Variants in CNTN6 observed in about 807,000 individuals in gnomAD.
CNTN6 encodes contactin 6.
A neutral mutation model predicts 122.8 loss-of-function variants in CNTN6; 137 were observed. The observed-to-expected ratio is 1.12, with a 90% confidence interval of 0.97 to 1.29. The LOEUF is 1.29. CNTN6 is among the 50% of genes most tolerant of loss of function. The pLI is 0.00. For missense variants in CNTN6, 1,634 were observed against 1,223.4 expected (o/e 1.34, Z -5.01); for synonymous variants, 570 against 426.0 (o/e 1.34, Z -4.16).
At chr3:1,374,195 G>A (rs957242276) in intron 16 of CNTN6, 122 bp downstream of exon 16, 2 of 928,946 alleles carry the variant, frequency 2.2e-6, no homozygotes, top group South Asian at 2.4e-5. Flanking sequence ...CAGTAAACGA[G>A]TGGCTCTCAT....
chr3:1,196,224 CTTTAG>C (rs2093776325), intron 2 of CNTN6, among the ~76,000 whole-genome samples: 1 of 152,184 alleles, frequency 6.6e-6, no homozygotes, highest in Non-Finnish European at 1.5e-5. Context: ...TTCTTTCCTT[CTTTAG>C]TGTAGTAATC....
At chr3:1,134,129 G>A (rs1405418667) in intron 1 of CNTN6, among the ~76,000 whole-genome samples, 1 of 152,064 alleles carries the variant, frequency 6.6e-6, no homozygotes, top group East Asian at 1.9e-4. Context: ...GGCCCCGATC[G>A]ACCATATAAC....
At position 1,397,111 on chromosome 3, in the gene CNTN6, C is replaced by T. The variant is rs557884788; in HGVS notation, c.2705-4322C>T. Among the ~76,000 whole-genome samples the T allele has an allele frequency of 1.8e-4, 28 of 152,252 alleles. 1 individual carries two copies. In the East Asian group the frequency reaches 5.2e-3, roughly 28 times the overall value. ...TCATCTACTCAAGAGATAGTGCCTC[C>T]CATGAGCCATGCCTAGAGTTAGATG... On this transcript the variant is annotated intron_variant, in intron 20 of 22. Transcript: ENST00000446702.
At chr3:1,099,351 T>C (rs1281512597) in intron 1 of CNTN6, among the ~76,000 whole-genome samples, 1 of 151,846 alleles carries the variant, frequency 6.6e-6, no homozygotes, top group Non-Finnish European at 1.5e-5. Flanking sequence ...CTGGGGAGGC[T>C]GAGGCGGGAG....
chr3:1,112,241 C>T (rs188771620), intron 1 of CNTN6, among the ~76,000 whole-genome samples: 1 of 152,262 alleles, frequency 6.6e-6, no homozygotes, highest in Non-Finnish European at 1.5e-5. Flanking sequence ...TAGTCAGGGT[C>T]CTCCAGAGAG....
chr3:1,287,636 G>T (rs1200428859), intron 5 of CNTN6, among the ~76,000 whole-genome samples: 5 of 152,138 alleles, frequency 3.3e-5, no homozygotes, highest in African/African-American at 4.8e-5. Context: ...GACAAAATAA[G>T]ATGTGGTAAA....
intron 1 of CNTN6, among the ~76,000 whole-genome samples, chr3:1,124,043 G>T (rs1302508217): frequency 2.0e-5 from 3 of 151,832 alleles, no homozygotes; most frequent in Non-Finnish European, 4.4e-5. Context: ...AATCCCGATT[G>T]GCCATAATGT....
chr3:1,285,025 G>T (rs1430336621), intron 5 of CNTN6, among the ~76,000 whole-genome samples: 1 of 152,178 alleles, frequency 6.6e-6, no homozygotes, highest in Non-Finnish European at 1.5e-5. Flanking sequence ...AGAGTGACAT[G>T]CTTTCTCTGA....
chr3:1,134,133 A>T (rs1030227024), intron 1 of CNTN6, among the ~76,000 whole-genome samples: 6 of 152,180 alleles, frequency 3.9e-5, no homozygotes, highest in African/African-American at 1.4e-4. Context: ...CCGATCGACC[A>T]TATAACGTCT....
intron 1 of CNTN6, among the ~76,000 whole-genome samples, chr3:1,138,676 C>T (rs924452409): frequency 1.1e-4 from 16 of 151,856 alleles, no homozygotes; most frequent in African/African-American, 3.9e-4. Context: ...TTCCCAAAAA[C>T]AAAATTTTAG....
At chr3:1,218,455 G>T (rs1027532939) in intron 2 of CNTN6, among the ~76,000 whole-genome samples, 14 of 152,234 alleles carry the variant, frequency 9.2e-5, no homozygotes, top group African/African-American at 3.4e-4. Context: ...CCTAAACAGG[G>T]TCAGAATCTG....
intron 2 of CNTN6, among the ~76,000 whole-genome samples, chr3:1,215,009 T>G (rs956158639): frequency 1.7e-4 from 26 of 152,194 alleles, no homozygotes; most frequent in African/African-American, 6.3e-4. Context: ...TCCTTCTGTC[T>G]TGATCTCTCA....
intron 2 of CNTN6, chr3:1,173,305 C>A (rs750276759): frequency 4.4e-6 from 2 of 456,446 alleles, no homozygotes; most frequent in Non-Finnish European, 8.8e-6. Context: ...TATCACCTGG[C>A]GGTTTGCAAA....
intron 12 of CNTN6, among the ~76,000 whole-genome samples, chr3:1,362,643 T>C (rs918129927): frequency 1.3e-5 from 2 of 151,938 alleles, no homozygotes; most frequent in African/African-American, 2.4e-5. Context: ...AGACAGAAAG[T>C]ATCATAAGGA....
At chr3:1,183,218 A>T (rs2093582629) in intron 2 of CNTN6, among the ~76,000 whole-genome samples, 1 of 152,180 alleles carries the variant, frequency 6.6e-6, no homozygotes, top group South Asian at 2.1e-4. Context: ...AATTATTGTC[A>T]GAAAAATATA....
chr3:1,121,896 C>A (rs2091962033), intron 1 of CNTN6, among the ~76,000 whole-genome samples: 1 of 151,856 alleles, frequency 6.6e-6, no homozygotes, highest in Non-Finnish European at 1.5e-5. Context: ...TTTAGAATAT[C>A]AGCATAATTA....
chr3:1,203,962 G>T (rs1262873013), intron 2 of CNTN6, among the ~76,000 whole-genome samples: 6 of 152,182 alleles, frequency 3.9e-5, no homozygotes, highest in African/African-American at 9.7e-5. Context: ...GTGCAGGTTT[G>T]TAGCCTAGAA....
chr3:1,350,060 C>T (rs1705384256), intron 11 of CNTN6, among the ~76,000 whole-genome samples: 1 of 151,572 alleles, frequency 6.6e-6, no homozygotes, highest in Non-Finnish European at 1.5e-5. Flanking sequence ...AAATTATTTT[C>T]ATAAGATCAT....
chr3:1,211,179 G>A (rs2094032135), intron 2 of CNTN6, among the ~76,000 whole-genome samples: 1 of 152,168 alleles, frequency 6.6e-6, no homozygotes, highest in South Asian at 2.1e-4. Flanking sequence ...GAAATATATT[G>A]GGAGCAACAA....
Sources: allele counts gnomAD v4.1 joint callset (sites outside exome capture counted in the v4.1 genomes callset), GRCh38; gene constraint gnomAD v4.1.1; transcripts MANE v1.5; gene names NCBI Gene and HGNC (gene_info 2026-07-23, HGNC 2026-07-21).